The following FAM81B variants were observed in gnomAD, a reference collection of about 807,000 sequenced individuals.
FAM81B encodes the protein family with sequence similarity 81 member B, also known as protein FAM81B.
A neutral mutation model predicts 58.7 loss-of-function variants in FAM81B; 60 were observed. That is an observed-to-expected ratio of 1.02 (90% CI 0.83 to 1.27). The LOEUF is 1.27. Ranked by LOEUF, FAM81B falls within the 50% of genes most tolerant of loss-of-function variation. The pLI is 0.00. For missense variants in FAM81B, 491 were observed against 522.0 expected (o/e 0.94, Z 0.58); for synonymous variants, 189 against 179.6 (o/e 1.05, Z -0.42).
intron 6 of FAM81B, among the ~76,000 whole-genome samples, chr5:95,432,709 G>A (rs530841959): frequency 3.3e-5 from 5 of 151,716 alleles, no homozygotes; most frequent in East Asian, 1.9e-4. Context: ...CTTTTAGGGT[G>A]GTTTTAATTC....
chr5:95,410,372 A>ACT, intron 3 of FAM81B, among the ~76,000 whole-genome samples: 1 of 152,032 alleles, frequency 6.6e-6, no homozygotes, highest in East Asian at 1.9e-4. Flanking sequence ...TGCTTCAGTC[A>ACT]CTCTCTCTGG....
At chr5:95,443,617 TC>T (rs1424239845) in intron 7 of FAM81B, among the ~76,000 whole-genome samples, 1 of 150,870 alleles carries the variant, frequency 6.6e-6, no homozygotes, top group Non-Finnish European at 1.5e-5. Context: ...GTCCATTATG[TC>T]CGGGAAAAGC....
intron 5 of FAM81B, among the ~76,000 whole-genome samples, chr5:95,428,083 T>TA (rs1365688452): frequency 6.6e-6 from 1 of 152,228 alleles, no homozygotes; most frequent in African/African-American, 2.4e-5. Flanking sequence ...TGTTTGAGGC[T>TA]AAAACGGTGA....
chr5:95,391,577 A>T (rs1761818505), intron 1 of FAM81B, 64 bp downstream of exon 1: 2 of 1,520,428 alleles, frequency 1.3e-6, no homozygotes, highest in Admixed American at 4.1e-5. Context: ...TCTGTTTCTT[A>T]TTACATATAA....
chr5:95,449,043 T>C (rs1403681850), intron 9 of FAM81B, among the ~76,000 whole-genome samples: 1 of 152,206 alleles, frequency 6.6e-6, no homozygotes, highest in Non-Finnish European at 1.5e-5. Context: ...GGACATGGAA[T>C]AGGTGCTGTG....
chr5:95,450,230 A>G lies in FAM81B; in HGVS notation c.1307A>G (p.Gln436Arg), dbSNP rs751364470. Residue 436 changes from glutamine (Q) to arginine (R), a missense_variant, in exon 10 of 10, where the codon CAG becomes CGG. Gln to Arg is a conservative substitution (Grantham distance 43, BLOSUM62 1). Transcript: ENST00000283357. ...ATGGATTTAGAGAAATATAAAGTACAGAAAGACCTAAAGAAATTACAGCGC... is the reference window on the plus strand; with the variant it reads ...ATGGATTTAGAGAAATATAAAGTACGGAAAGACCTAAAGAAATTACAGCGC... ...TKMDLEKYKV[Q>R]KDLKKLQRKI... is the part of the protein sequence containing the mutation. 6.2e-7 allele frequency: 1 copy of G among 1,613,416 alleles called. No homozygotes were observed. Among genetic ancestry groups the G allele is most frequent in the Non-Finnish European group, 8.5e-7 (1 of 1,179,650 alleles).
chr5:95,420,376 T>A lies in FAM81B; in HGVS notation c.630T>A (p.Val210=). 1 of 1,613,778 alleles carries A rather than the reference T, an allele frequency of 6.2e-7. No individual in the cohort carries two copies. Among genetic ancestry groups the A allele is most frequent in the Non-Finnish European group, 8.5e-7 (1 of 1,179,728 alleles). Residue 210 remains valine, a synonymous_variant, in exon 5 of 10, where the codon GTT becomes GTA. Transcript: ENST00000283357. ...TAAACATCAAACACCTACAAGGAGT[T>A]GGAGATCTTCGAGGAAGAGTAGCCA... ...HEINIKHLQG[V]GDLRGRVARC...
At chr5:95,395,785 G>A (rs576372147) in intron 2 of FAM81B, among the ~76,000 whole-genome samples, 1 of 152,288 alleles carries the variant, frequency 6.6e-6, no homozygotes, top group East Asian at 1.9e-4. Flanking sequence ...ACTCTGTGAA[G>A]ACTTCTTTAG....
At chr5:95,420,249 G>A (rs202102556) in intron 4 of FAM81B, 35 bp from the exon 5 acceptor site, 9 of 1,611,508 alleles carry the variant, frequency 5.6e-6, no homozygotes, top group Non-Finnish European at 7.6e-6. Flanking sequence ...CATGTGTGAT[G>A]GGAAATTAAT....
At chr5:95,425,362 A>G (rs1180253980) in intron 5 of FAM81B, among the ~76,000 whole-genome samples, 2 of 152,186 alleles carry the variant, frequency 1.3e-5, no homozygotes, top group East Asian at 3.8e-4. Flanking sequence ...TAGACAAAGC[A>G]AGTCTCATAA....
chr5:95,427,299 A>G (rs1186305709), intron 5 of FAM81B, among the ~76,000 whole-genome samples: 1 of 152,182 alleles, frequency 6.6e-6, no homozygotes, highest in African/African-American at 2.4e-5. Context: ...AACCAACAAT[A>G]GAGGTGCCAT....
intron 6 of FAM81B, among the ~76,000 whole-genome samples, chr5:95,430,018 G>A (rs1274434432): frequency 6.6e-6 from 1 of 151,986 alleles, no homozygotes; most frequent in Non-Finnish European, 1.5e-5. Context: ...CTTCTAATGT[G>A]TTAATACATT....
At chr5:95,421,344 A>G (rs985178349) in intron 5 of FAM81B, among the ~76,000 whole-genome samples, 8 of 152,240 alleles carry the variant, frequency 5.3e-5, no homozygotes, top group Admixed American at 5.2e-4. Flanking sequence ...TGAAGGATTT[A>G]TAACAGTTAA....
chr5:95,447,428 A>G (rs1472498805), intron 8 of FAM81B, among the ~76,000 whole-genome samples: 2 of 152,250 alleles, frequency 1.3e-5, no homozygotes, highest in Non-Finnish European at 2.9e-5. Flanking sequence ...GGAGATAAAC[A>G]TAAAGCTTTA....
At position 95,436,872 on chromosome 5, in the gene FAM81B, G is replaced by A. The variant is rs201688877; in HGVS notation, c.859G>A (p.Asp287Asn). ...CTCGAATTTAAAGATGGTCCAGGGGGATTATCGCCACGAAATGAACCTTTT... is the reference window on the plus strand; with the variant it reads ...CTCGAATTTAAAGATGGTCCAGGGGAATTATCGCCACGAAATGAACCTTTT... ...QTSNLKMVQG[D>N]YRHEMNLLEF... is the part of the protein sequence containing the mutation. The change falls in exon 7 of 10, where the codon GAT becomes AAT. Residue 287 changes from aspartate to asparagine, a missense_variant. Physicochemically the swap from Asp to Asn is conservative, Grantham distance 23. Coordinates refer to ENST00000283357, the MANE Select transcript of FAM81B (RefSeq NM_152548.3). The A allele has an allele frequency of 5.8e-3, 9,320 of 1,613,660 alleles. 49 individuals carry two copies. Among genetic ancestry groups the A allele is most frequent in the Middle Eastern group, 7.1e-3 (43 of 6,060 alleles).
chr5:95,433,871 A>G lies in FAM81B; in HGVS notation c.787-2929A>G, dbSNP rs531298795. ...TTTCAGTTTTTAGAATGTTTCTGCTATGTTATTTGGCTTACAGATATTCAT... is the reference window on the plus strand; with the variant it reads ...TTTCAGTTTTTAGAATGTTTCTGCTGTGTTATTTGGCTTACAGATATTCAT... On this transcript the variant is annotated intron_variant, in intron 6 of 9. Coordinates refer to ENST00000283357, the MANE Select transcript of FAM81B (RefSeq NM_152548.3). Among the ~76,000 whole-genome samples, 254 of 152,248 alleles carry G rather than the reference A, an allele frequency of 1.7e-3. 2 individuals carry two copies. The highest frequency in any genetic ancestry group is 5.9e-3 in the African/African-American group (245 of 41,550).
chr5:95,392,940 C>T (rs752646445), intron 2 of FAM81B, 43 bp downstream of exon 2: 42 of 1,494,230 alleles, frequency 2.8e-5, no homozygotes, highest in Non-Finnish European at 3.6e-5. Context: ...GAATACTTTG[C>T]TCAGCTTCTT....
At chr5:95,399,669 A>G (rs1236139098) in intron 3 of FAM81B, among the ~76,000 whole-genome samples, 2 of 152,166 alleles carry the variant, frequency 1.3e-5, no homozygotes, top group African/African-American at 4.8e-5. Flanking sequence ...TGAGAACTCC[A>G]CTGAGGTCAG....
chr5:95,399,311 C>G (rs1358367882), intron 3 of FAM81B, among the ~76,000 whole-genome samples: 3 of 152,208 alleles, frequency 2.0e-5, no homozygotes, highest in Non-Finnish European at 2.9e-5. Context: ...TTCCGTGATG[C>G]ATTGCTTTTG....
Sources: allele counts gnomAD v4.1 joint callset (sites outside exome capture counted in the v4.1 genomes callset), GRCh38; gene constraint gnomAD v4.1.1; transcripts MANE v1.5; gene names NCBI Gene and HGNC (gene_info 2026-07-23, HGNC 2026-07-21).